The following ANKRD46 variants were observed in gnomAD, a reference collection of about 807,000 sequenced individuals.
ANKRD46 encodes ankyrin repeat domain 46, also known as ankyrin repeat domain-containing protein 46.
ANKRD46 carries 13 observed loss-of-function variants against 19.8 expected under a neutral mutation model. That is an observed-to-expected ratio of 0.66 (90% CI 0.43 to 1.04). ANKRD46 has a LOEUF of 1.04. Ranked by LOEUF, ANKRD46 falls within the 50% of genes least tolerant of loss-of-function variation. The pLI, the probability that ANKRD46 is intolerant of heterozygous loss-of-function variation, is 0.00. For missense variants in ANKRD46, 185 were observed against 274.8 expected (o/e 0.67, Z 2.31); for synonymous variants, 91 against 106.9 (o/e 0.85, Z 0.92).
rs1228336183 is a variant in ANKRD46 at position 100,557,520 on chromosome 8, A to G, written c.-131+2191T>C. Among the ~76,000 whole-genome samples the G allele has an allele frequency of 6.6e-6, 1 of 152,216 alleles. No individual in the cohort carries two copies. Among genetic ancestry groups the G allele is most frequent in the Non-Finnish European group, 1.5e-5 (1 of 68,036 alleles). On this transcript the variant is annotated intron_variant, in intron 1 of 4. Coordinates refer to ENST00000335659, the MANE Select transcript of ANKRD46 (RefSeq NM_001270377.2). This position sits in a 1 kb window ranked among gnomAD's most constrained non-coding sequence, Gnocchi z 5.9. ...ACAGTCAACACTGAACACAGCAGCC[A>G]GAGTGATCCTTTAAAAACCTTAAGC... is the stretch of plus-strand genomic sequence containing the variant.
rs1224254357 is a variant in ANKRD46 at position 100,529,626 on chromosome 8, C to T, written c.208G>A (p.Asp70Asn). 1.1e-5 allele frequency: 17 copies of T among 1,614,090 alleles called. No homozygotes were observed. The Admixed American group carries it at 2.3e-4, about 22-fold the overall frequency. The change falls in exon 3 of 5, where the codon GAT (aspartate) becomes AAT (asparagine). Residue 70 changes from aspartate (D) to asparagine (N), a missense_variant. By Grantham distance (23) the Asp-to-Asn change is conservative. Coordinates refer to ENST00000335659, the MANE Select transcript of ANKRD46 (RefSeq NM_001270377.2). The surrounding 1 kb of genome is among the most constrained non-coding windows in gnomAD (Gnocchi z 5.8). ...ICQLLHKFGADLLATDYQGNT... is the reference protein window; with the variant it reads ...ICQLLHKFGANLLATDYQGNT... ...CCTTGATAATCTGTGGCCAGAAGAT[C>T]GGCACCGAATTTATGCAGTAACTGG...
chr8:100,550,851 T>C lies in ANKRD46; in HGVS notation c.-131+8860A>G. 1 of 479,518 alleles carries C rather than the reference T, an allele frequency of 2.1e-6. No individual in the cohort carries two copies. Among genetic ancestry groups the C allele is most frequent in the Non-Finnish European group, 4.0e-6 (1 of 252,172 alleles). 29.7% of individuals were successfully genotyped at this position (479,518 alleles called of 1,614,324 possible). On this transcript the variant is annotated intron_variant, in intron 1 of 4. Coordinates refer to ENST00000335659, the MANE Select transcript of ANKRD46 (RefSeq NM_001270377.2). This position sits in a 1 kb window ranked among gnomAD's most constrained non-coding sequence, Gnocchi z 4.4. ...AGCCCCAGCATCGAAAGTGGAAGAG[T>C]GAGTGTCACTGTTAAAGTCAGAGGA...
rs77961378 is a variant in ANKRD46, at chr8:100,557,847, C to G, written c.-131+1864G>C. On this transcript the variant is annotated intron_variant, in intron 1 of 4. Transcript: ENST00000335659. The surrounding 1 kb of genome is among the most constrained non-coding windows in gnomAD (Gnocchi z 5.9). Reference sequence around the variant, plus strand: ...CATGGCACCAGTCCTTATTTTAAAACTGCACCTGTTCCTTCCTTGGTGCTT... The same window carrying G: ...CATGGCACCAGTCCTTATTTTAAAAGTGCACCTGTTCCTTCCTTGGTGCTT... Among the ~76,000 whole-genome samples the G allele has an allele frequency of 0.01, 1,555 of 152,334 alleles. 60 individuals are homozygous for G. Among genetic ancestry groups the G allele is most frequent in the East Asian group, 0.069 (359 of 5,182 alleles).
At chr8:100,530,772 T>C (rs1811944894) in intron 2 of ANKRD46, among the ~76,000 whole-genome samples, 1 of 152,240 alleles carries the variant, frequency 6.6e-6, no homozygotes, top group African/African-American at 2.4e-5. Context: ...ATTATGCTTT[T>C]TCCACTATTG....
At chr8:100,538,543 T>C (rs569219121) in intron 1 of ANKRD46, among the ~76,000 whole-genome samples, 3 of 152,292 alleles carry the variant, frequency 2.0e-5, no homozygotes, top group African/African-American at 7.2e-5. Flanking sequence ...TGAATTCTGG[T>C]ATCTGCATGA....
At position 100,522,100 on chromosome 8, in the gene ANKRD46, T is replaced by C. The variant is rs1811735148; in HGVS notation, c.*455A>G. ...AAAGTACTTCAAGTTTTATCTCTTA[T>C]CCCTAGAGAAAGTAAATAAAAAGTG... On this transcript the variant is annotated 3_prime_UTR_variant, in exon 5 of 5. Transcript: ENST00000335659. 6 of 989,878 alleles carry C rather than the reference T, an allele frequency of 6.1e-6. No homozygotes were observed. The highest frequency in any genetic ancestry group is 7.2e-6 in the Non-Finnish European group (6 of 832,304). The allele number at this position is 989,878 out of a possible 1,614,324, so 61.3% of individuals were successfully genotyped here.
At chr8:100,553,674 A>C (rs536090308) in intron 1 of ANKRD46, among the ~76,000 whole-genome samples, 2 of 152,260 alleles carry the variant, frequency 1.3e-5, no homozygotes, top group South Asian at 4.1e-4. Flanking sequence ...GCTTCAACCC[A>C]GGAGGCGGAA....
chr8:100,552,106 C>T lies in ANKRD46; in HGVS notation c.-131+7605G>A, dbSNP rs368695792. On this transcript the variant is annotated intron_variant, in intron 1 of 4. Transcript: ENST00000335659. ...TGGAGGTTGCAGTGAGCCAAGATCG[C>T]GCCACTGCACTCCAGCCTGGGTGAC... is the stretch of plus-strand genomic sequence containing the variant. 4.1e-4 allele frequency among the ~76,000 whole-genome samples: 61 copies of T among 147,236 alleles called. 1 individual carries two copies. Among genetic ancestry groups the T allele is most frequent in the African/African-American group, 1.3e-3 (51 of 39,512 alleles).
chr8:100,523,976 A>AT (rs1811785198), intron 4 of ANKRD46, among the ~76,000 whole-genome samples: 1 of 152,200 alleles, frequency 6.6e-6, no homozygotes, highest in Non-Finnish European at 1.5e-5. Flanking sequence ...GTTTCTTCCT[A>AT]TTGGTGTTAG....
chr8:100,519,435 GGAT>G (rs1388956237), downstream of ANKRD46, among the ~76,000 whole-genome samples: 2 of 152,200 alleles, frequency 1.3e-5, no homozygotes, highest in Non-Finnish European at 2.9e-5. Flanking sequence ...TAAAGATTCT[GGAT>G]GATGTCACCC....
At position 100,543,845 on chromosome 8, in the gene ANKRD46, C is replaced by A. The variant is rs2130690270; in HGVS notation, c.-130-10534G>T. Reference sequence around the variant, plus strand: ...TGATACTATCAAAATAAATCTATTCCAAATACATCTAAATATTTTTATTCA... The same window carrying A: ...TGATACTATCAAAATAAATCTATTCAAAATACATCTAAATATTTTTATTCA... On this transcript the variant is annotated intron_variant, in intron 1 of 4. Transcript: ENST00000335659. This position sits in a 1 kb window ranked among gnomAD's most constrained non-coding sequence, Gnocchi z 4.2. Among the ~76,000 whole-genome samples, 1 of 152,256 alleles carries A rather than the reference C, an allele frequency of 6.6e-6. No individual in the cohort carries two copies. The highest frequency in any genetic ancestry group is 2.1e-4 in the South Asian group (1 of 4,830).
At chr8:100,548,186 A>G (rs922069234) in intron 1 of ANKRD46, among the ~76,000 whole-genome samples, 6 of 152,118 alleles carry the variant, frequency 3.9e-5, no homozygotes, top group African/African-American at 1.4e-4. Context: ...TGGCAGCCCA[A>G]TGTATTTAAA....
At chr8:100,522,842 C>A in intron 4 of ANKRD46, 71 bp from the exon 5 acceptor site, 3 of 1,190,400 alleles carry the variant, frequency 2.5e-6, no homozygotes, top group Non-Finnish European at 3.6e-6. Context: ...AACCACAGGG[C>A]TACTATTTAG....
At chr8:100,558,832 G>C (rs1029860381) in intron 1 of ANKRD46, among the ~76,000 whole-genome samples, 1 of 152,142 alleles carries the variant, frequency 6.6e-6, no homozygotes, top group Non-Finnish European at 1.5e-5. Context: ...AATGGTACCT[G>C]ATAGGGTTGC....
intron 2 of ANKRD46, among the ~76,000 whole-genome samples, chr8:100,531,802 C>T (rs1056748972): frequency 1.3e-5 from 2 of 152,128 alleles, no homozygotes; most frequent in Admixed American, 6.5e-5. Context: ...ATGAGTCCAG[C>T]CCACTGAAGA....
At chr8:100,513,714 G>T (rs1811584236) in intron 5 of ANKRD46, among the ~76,000 whole-genome samples, 1 of 152,214 alleles carries the variant, frequency 6.6e-6, no homozygotes, top group Admixed American at 6.5e-5. Context: ...TCTACAAAGA[G>T]AATTACCCAA....
intron 2 of ANKRD46, among the ~76,000 whole-genome samples, chr8:100,531,788 T>A (rs1213130812): frequency 6.6e-6 from 1 of 152,110 alleles, no homozygotes; most frequent in East Asian, 1.9e-4. Context: ...GGACTACTAT[T>A]TCAATGAGTC....
chr8:100,521,149 G>A lies in ANKRD46; in HGVS notation c.*1406C>T, dbSNP rs1811716476. On this transcript the variant is annotated 3_prime_UTR_variant, in exon 5 of 5. Transcript: ENST00000335659. ...TATTAAAGAGAGGATAAAGCCACAT[G>A]AAAGAGCAAGCCTCAATACTAGATA... 19 of 984,786 alleles carry A rather than the reference G, an allele frequency of 1.9e-5. No individual in the cohort carries two copies. The highest frequency in any genetic ancestry group is 5.2e-4 in the Middle Eastern group (1 of 1,936). The allele number at this position is 984,786 out of a possible 1,614,324, so 61.0% of individuals were successfully genotyped here.
intron 2 of ANKRD46, among the ~76,000 whole-genome samples, 152 bp from the exon 3 acceptor site, chr8:100,530,012 AT>A (rs1236253001): frequency 2.0e-5 from 3 of 152,222 alleles, no homozygotes; most frequent in Non-Finnish European, 4.4e-5. Context: ...TATCAATTGT[AT>A]TTTATTTTCC....
Sources: gnomAD v4.1 joint callset for allele counts (sites outside exome capture counted in the v4.1 genomes callset) on GRCh38, gnomAD v4.1.1 for gene constraint, Gnocchi (gnomAD v3.1) non-coding constraint, MANE v1.5 for transcripts, NCBI Gene and HGNC (gene_info 2026-07-23, HGNC 2026-07-21) for gene names.